AXL: variants seen among roughly 807,000 people sequenced by gnomAD.
The protein encoded by AXL is tyrosine-protein kinase receptor UFO.
Under a neutral mutation model 104.5 loss-of-function variants are expected in AXL, and 52 were observed. That is an observed-to-expected ratio of 0.50 (90% confidence interval 0.40 to 0.63). The LOEUF is 0.63. Among genes scored for constraint, AXL ranks in the 20% least tolerant of loss-of-function variants. The pLI is 0.00. For synonymous variants in AXL, 455 were observed against 473.7 expected (o/e 0.96, Z 0.51); for missense variants, 1,024 against 1,188.5 (o/e 0.86, Z 2.04).
intron 4 of AXL, among the ~76,000 whole-genome samples, chr19:41,225,843 GT>G (rs1367151928): frequency 3.3e-5 from 5 of 151,970 alleles, no homozygotes; most frequent in South Asian, 2.1e-4. Flanking sequence ...GAGTGTGTGT[GT>G]GGGGGGGTTT....
intron 17 of AXL, among the ~76,000 whole-genome samples, chr19:41,254,241 A>G (rs992509666): frequency 5.9e-5 from 9 of 151,732 alleles, no homozygotes; most frequent in African/African-American, 1.2e-4. Flanking sequence ...CTAAAAGTAC[A>G]AAATTCAGCC....
chr19:41,250,588 G>T (rs2034345944), intron 14 of AXL, among the ~76,000 whole-genome samples: 1 of 152,088 alleles, frequency 6.6e-6, no homozygotes, highest in Non-Finnish European at 1.5e-5. Flanking sequence ...GACTACAGGT[G>T]TGCGCCACCA....
At chr19:41,256,941 T>A (rs1393399833) in intron 18 of AXL, among the ~76,000 whole-genome samples, 1 of 152,244 alleles carries the variant, frequency 6.6e-6, no homozygotes, top group Non-Finnish European at 1.5e-5. Flanking sequence ...CATGAGCTCA[T>A]GTGTCCATGA....
At chr19:41,244,912 C>T (rs2034246101) in intron 12 of AXL, among the ~76,000 whole-genome samples, 1 of 151,274 alleles carries the variant, frequency 6.6e-6, no homozygotes, top group South Asian at 2.1e-4. Flanking sequence ...AACCCAGGTA[C>T]TTTTGCTCTG....
intron 8 of AXL, among the ~76,000 whole-genome samples, chr19:41,238,874 A>T (rs953292552): frequency 1.3e-5 from 2 of 152,078 alleles, no homozygotes; most frequent in Non-Finnish European, 2.9e-5. Flanking sequence ...GCAGATAGTT[A>T]TATAGCACCT....
chr19:41,228,138 G>A (rs991594820), intron 4 of AXL, among the ~76,000 whole-genome samples: 1 of 152,176 alleles, frequency 6.6e-6, no homozygotes. Flanking sequence ...CTGTGTGCTT[G>A]CAGGTCTGTG....
At chr19:41,222,122 G>A in intron 4 of AXL, 66 bp downstream of exon 4, 2 of 1,404,350 alleles carry the variant, frequency 1.4e-6, no homozygotes, top group Non-Finnish European at 1.9e-6. Context: ...AGGAGCAAGG[G>A]AACATTGCTA....
intron 4 of AXL, among the ~76,000 whole-genome samples, chr19:41,223,872 G>A (rs2033835063): frequency 6.6e-6 from 1 of 152,074 alleles, no homozygotes; most frequent in Non-Finnish European, 1.5e-5. Flanking sequence ...CTGGATATCT[G>A]TGTGTTCTGG....
chr19:41,241,590 A>T (rs983934101), intron 10 of AXL, among the ~76,000 whole-genome samples: 7 of 151,502 alleles, frequency 4.6e-5, no homozygotes, highest in Non-Finnish European at 8.8e-5. Context: ...GAAAGAAAAG[A>T]AAAAGAAAAG....
rs369684238 is a variant in AXL at position 41,220,698 on chromosome 19, C to A, written c.148C>A (p.Leu50Ile). The A allele has an allele frequency of 6.2e-7, 1 of 1,612,918 alleles. No individual in the cohort carries two copies. Among genetic ancestry groups the A allele is most frequent in the Non-Finnish European group, 8.5e-7 (1 of 1,179,434 alleles). ...NPGNITGARG[L>I]TGTLRCQLQV... ...AGGGAATATCACAGGTGCCCGGGGA[C>A]TCACGGGCACCCTTCGGTGTCAGCT... The change falls in exon 2 of 20, where the codon CTC (leucine) becomes ATC (isoleucine). Residue 50 changes from leucine to isoleucine, a missense_variant. Physicochemically the swap from Leu to Ile is conservative, Grantham distance 5. Coordinates refer to ENST00000301178, the MANE Select transcript of AXL (RefSeq NM_021913.5).
intron 4 of AXL, among the ~76,000 whole-genome samples, chr19:41,228,165 C>T (rs750286650): frequency 2.0e-5 from 3 of 152,118 alleles, no homozygotes; most frequent in Non-Finnish European, 4.4e-5. Context: ...GTGTTTGTCT[C>T]TGTAATTGTA....
chr19:41,243,081 G>T, intron 11 of AXL, 66 bp downstream of exon 11: 2 of 1,606,350 alleles, frequency 1.2e-6, no homozygotes, highest in African/African-American at 1.3e-5. Flanking sequence ...AGGGAGGCCA[G>T]TGAGGAGGCT....
intron 14 of AXL, among the ~76,000 whole-genome samples, chr19:41,251,770 A>G (rs1315069732): frequency 6.6e-6 from 1 of 152,034 alleles, no homozygotes; most frequent in East Asian, 1.9e-4. Flanking sequence ...CAAAAAACCA[A>G]TAAAATGGGA....
At chr19:41,238,738 G>C in intron 8 of AXL, 129 bp downstream of exon 8, 7 of 1,331,260 alleles carry the variant, frequency 5.3e-6, no homozygotes, top group Non-Finnish European at 7.0e-6. Flanking sequence ...GGCACATTCA[G>C]GGAAGGTTCA....
chr19:41,257,626 G>C lies in AXL; in HGVS notation c.2330G>C (p.Gly777Ala). 6.2e-7 allele frequency: 1 copy of C among 1,614,152 alleles called. No homozygotes were observed. Among genetic ancestry groups the C allele is most frequent in the Non-Finnish European group, 8.5e-7 (1 of 1,180,014 alleles). ...RLKQPADCLD[G>A]LYALMSRCWE... Reference sequence around the variant, plus strand: ...AAGCAGCCTGCGGACTGTCTGGATGGACTGTGAGGACCCTTAGGTCTCCCC... The same window carrying C: ...AAGCAGCCTGCGGACTGTCTGGATGCACTGTGAGGACCCTTAGGTCTCCCC... The change falls in exon 19 of 20, where the codon GGA (glycine) becomes GCA (alanine). Residue 777 changes from glycine (G) to alanine (A), a missense_variant. Gly to Ala is a moderately conservative substitution (Grantham distance 60). Coordinates refer to ENST00000301178, the MANE Select transcript of AXL (RefSeq NM_021913.5).
At chr19:41,227,170 G>T (rs535679001) in intron 4 of AXL, among the ~76,000 whole-genome samples, 1 of 152,020 alleles carries the variant, frequency 6.6e-6, no homozygotes, top group Admixed American at 6.6e-5. Flanking sequence ...TGGGGGAGGG[G>T]GGTGTCTATG....
chr19:41,231,151 C>G, intron 5 of AXL, 32 bp from the exon 6 acceptor site: 1 of 1,610,432 alleles, frequency 6.2e-7, no homozygotes, highest in African/African-American at 1.3e-5. Context: ...AGCAAAGGCT[C>G]CCCAGGGTCA....
intron 15 of AXL, 76 bp downstream of exon 15, chr19:41,252,519 C>G: frequency 2.0e-6 from 3 of 1,521,996 alleles, no homozygotes; most frequent in Non-Finnish European, 2.7e-6. Flanking sequence ...TGCTTCTGGC[C>G]CTGGGAAGAT....
chr19:41,222,707 C>T (rs888148090), intron 4 of AXL, among the ~76,000 whole-genome samples: 2 of 148,352 alleles, frequency 1.3e-5, no homozygotes, highest in Non-Finnish European at 3.0e-5. Context: ...GAGATCAAGA[C>T]CATCCTGGCT....
Sources: allele counts gnomAD v4.1 joint callset (sites outside exome capture counted in the v4.1 genomes callset), GRCh38; gene constraint gnomAD v4.1.1; transcripts MANE v1.5; gene names NCBI Gene and HGNC (gene_info 2026-07-23, HGNC 2026-07-21).